The following NDFIP2 variants were observed in gnomAD, a reference collection of about 807,000 sequenced individuals.
NDFIP2 encodes the protein NEDD4 family-interacting protein 2.
In NDFIP2, 19 loss-of-function variants were observed where a neutral mutation model predicts 36.0. The ratio of observed to expected loss-of-function variants is 0.53; its 90% CI spans 0.37 to 0.77. The LOEUF (loss-of-function observed/expected upper bound fraction) is 0.77. Ranked by LOEUF, NDFIP2 falls within the 30% of genes least tolerant of loss-of-function variation. The pLI, the probability that NDFIP2 is intolerant of heterozygous loss-of-function variation, is 0.00. For synonymous variants in NDFIP2, 181 were observed against 167.7 expected, an observed-to-expected ratio of 1.08 and a Z score of -0.61; for missense variants, 446 against 435.8, an observed-to-expected ratio of 1.02 and a Z score of -0.21.
intron 1 of NDFIP2, among the ~76,000 whole-genome samples, chr13:79,484,781 G>A (rs1252539088): frequency 6.6e-6 from 1 of 152,130 alleles, no homozygotes; most frequent in African/African-American, 2.4e-5. Context: ...AAACCTACAG[G>A]TTTTAAAGCC....
chr13:79,542,487 G>GT (rs1312653815), intron 4 of NDFIP2, among the ~76,000 whole-genome samples: 2 of 148,536 alleles, frequency 1.3e-5, no homozygotes, highest in Non-Finnish European at 3.0e-5. Flanking sequence ...GGTGTTGATG[G>GT]TTTTTTTGTG....
At chr13:79,521,377 C>G (rs1199185368) in intron 2 of NDFIP2, among the ~76,000 whole-genome samples, 3 of 152,066 alleles carry the variant, frequency 2.0e-5, no homozygotes, top group Non-Finnish European at 4.4e-5. Context: ...TTTTTATTTC[C>G]TAAGCAATGA....
At chr13:79,543,958 G>C (rs922352680) in intron 5 of NDFIP2, among the ~76,000 whole-genome samples, 7 of 151,838 alleles carry the variant, frequency 4.6e-5, no homozygotes, top group African/African-American at 1.7e-4. Context: ...TTATTTAATT[G>C]TTCTGAGCAT....
chr13:79,492,242 G>A (rs1214953801), intron 1 of NDFIP2, among the ~76,000 whole-genome samples: 1 of 148,500 alleles, frequency 6.7e-6, no homozygotes, highest in Non-Finnish European at 1.5e-5. Flanking sequence ...AGGAAATCCA[G>A]TAGTGACACC....
chr13:79,534,309 C>G (rs574254843), intron 3 of NDFIP2, among the ~76,000 whole-genome samples: 12 of 147,754 alleles, frequency 8.1e-5, no homozygotes, highest in Non-Finnish European at 1.5e-4. Flanking sequence ...CCAAAAAACA[C>G]AGAGAAATGT....
At chr13:79,482,403 C>A (rs1329305215) in intron 1 of NDFIP2, among the ~76,000 whole-genome samples, 2 of 151,878 alleles carry the variant, frequency 1.3e-5, no homozygotes, top group Non-Finnish European at 2.9e-5. Context: ...GTTGGAGATT[C>A]CTGTTGTAAA....
chr13:79,500,273 C>A (rs760934587), intron 1 of NDFIP2, among the ~76,000 whole-genome samples: 1 of 151,428 alleles, frequency 6.6e-6, no homozygotes, highest in Non-Finnish European at 1.5e-5. Flanking sequence ...CTATAAAACT[C>A]CTAAAAGATA....
chr13:79,543,823 AT>A, intron 5 of NDFIP2, 141 bp downstream of exon 5: 3 of 1,047,154 alleles, frequency 2.9e-6, no homozygotes, highest in South Asian at 3.5e-5. Flanking sequence ...CTTAATCATT[AT>A]AGTGAGCTCT....
At chr13:79,482,491 A>G (rs1566651373) in intron 1 of NDFIP2, among the ~76,000 whole-genome samples, 1 of 152,116 alleles carries the variant, frequency 6.6e-6, no homozygotes, top group Admixed American at 6.5e-5. Context: ...CATTCTACAA[A>G]CTTTCAGCCC....
chr13:79,551,263 TATTGAA>T (rs1435419526), intron 7 of NDFIP2, 141 bp downstream of exon 7: 2 of 423,518 alleles, frequency 4.7e-6, no homozygotes, highest in African/African-American at 4.1e-5. Flanking sequence ...ACAGTCAGCT[TATTGAA>T]ATTTGATAAG....
At chr13:79,532,331 A>G (rs998865048) in intron 2 of NDFIP2, among the ~76,000 whole-genome samples, 3 of 152,230 alleles carry the variant, frequency 2.0e-5, no homozygotes, top group African/African-American at 7.2e-5. Flanking sequence ...AGGTATGCTT[A>G]TATAAAACTA....
chr13:79,540,891 T>C (rs1461685481), intron 4 of NDFIP2, among the ~76,000 whole-genome samples: 2 of 152,214 alleles, frequency 1.3e-5, no homozygotes, highest in Admixed American at 6.5e-5. Context: ...AAATTGGTTT[T>C]AGTTACAATT....
chr13:79,493,911 T>C (rs1451960749), intron 1 of NDFIP2, among the ~76,000 whole-genome samples: 3 of 152,064 alleles, frequency 2.0e-5, no homozygotes, highest in Non-Finnish European at 4.4e-5. Context: ...ATAGTACATG[T>C]CCACTTTTAA....
intron 6 of NDFIP2, 130 bp from the exon 7 acceptor site, chr13:79,550,887 A>G (rs1875882794): frequency 7.3e-6 from 4 of 545,212 alleles, no homozygotes; most frequent in Non-Finnish European, 1.3e-5. Flanking sequence ...TATATTACAG[A>G]AATGAATGGA....
At chr13:79,548,911 T>C (rs1272777585) in intron 6 of NDFIP2, among the ~76,000 whole-genome samples, 1 of 152,040 alleles carries the variant, frequency 6.6e-6, no homozygotes, top group African/African-American at 2.4e-5. Flanking sequence ...TTTATTAATA[T>C]TGATGGAATT....
intron 4 of NDFIP2, among the ~76,000 whole-genome samples, chr13:79,542,265 A>T (rs1207256469): frequency 6.6e-6 from 1 of 152,220 alleles, no homozygotes; most frequent in Admixed American, 6.5e-5. Context: ...TGCCATGATA[A>T]TAAGTAATCA....
chr13:79,537,228 C>A (rs764791385), intron 3 of NDFIP2, among the ~76,000 whole-genome samples: 10 of 152,048 alleles, frequency 6.6e-5, no homozygotes, highest in Non-Finnish European at 1.3e-4. Flanking sequence ...CTGCCTTAGC[C>A]TCTTGAGTAG....
intron 2 of NDFIP2, among the ~76,000 whole-genome samples, chr13:79,528,475 A>G (rs988543360): frequency 2.6e-5 from 4 of 152,174 alleles, no homozygotes; most frequent in African/African-American, 9.7e-5. Context: ...AATCTAGGGT[A>G]GCCTAGGTGT....
chr13:79,509,682 T>TAG (rs752342019), intron 1 of NDFIP2, among the ~76,000 whole-genome samples: 2 of 84,948 alleles, frequency 2.4e-5, no homozygotes, highest in Admixed American at 2.7e-4. Context: ...TATCGATATA[T>TAG]ATATATATAG....
Sources: gnomAD v4.1 joint callset for allele counts (sites outside exome capture counted in the v4.1 genomes callset) on GRCh38, gnomAD v4.1.1 for gene constraint, MANE v1.5 for transcripts, NCBI Gene and HGNC (gene_info 2026-07-23, HGNC 2026-07-21) for gene names.